The following PCDHGB5 variants were observed in gnomAD, a reference collection of about 807,000 sequenced individuals.
PCDHGB5 encodes protocadherin gamma subfamily B, 5.
PCDHGB5 carries 48 observed loss-of-function variants against 62.9 expected under a neutral mutation model. The observed-to-expected ratio is 0.76, with a 90% CI of 0.61 to 0.97. The LOEUF is 0.97. Ranked by LOEUF, PCDHGB5 falls within the 50% of genes least tolerant of loss-of-function variation. The pLI, the probability that PCDHGB5 is intolerant of heterozygous loss-of-function variation, is 0.00. For synonymous variants in PCDHGB5, 474 were observed against 511.2 expected (o/e 0.93, Z 0.98); for missense variants, 1,118 against 1,198.6 (o/e 0.93, Z 0.99).
intron 1 of PCDHGB5, chr5:141,421,009 T>G (rs948913987): frequency 1.9e-6 from 1 of 515,496 alleles, no homozygotes. Context: ...AATCAGGGAA[T>G]GGGAAGCTGC....
At chr5:141,505,536 C>T (rs749205049) in intron 3 of PCDHGB5, 55 bp downstream of exon 3, 9 of 1,610,164 alleles carry the variant, frequency 5.6e-6, no homozygotes, top group Non-Finnish European at 7.6e-6. Context: ...TTCTGGGGTG[C>T]ATCTCACAGC....
intron 1 of PCDHGB5, among the ~76,000 whole-genome samples, chr5:141,467,404 C>T (rs1032912609): frequency 1.3e-5 from 2 of 151,864 alleles, no homozygotes; most frequent in African/African-American, 4.8e-5. Context: ...AGTTAGAAAG[C>T]CTTTCCCCAC....
chr5:141,473,262 G>T (rs905961411), intron 1 of PCDHGB5, among the ~76,000 whole-genome samples: 2 of 152,188 alleles, frequency 1.3e-5, no homozygotes, highest in Admixed American at 6.5e-5. Flanking sequence ...AGTCCTTAGT[G>T]TATGCTATGA....
At chr5:141,413,550 A>C (rs2095653911) in intron 1 of PCDHGB5, 1 of 1,613,974 alleles carries the variant, frequency 6.2e-7, no homozygotes, top group Non-Finnish European at 8.5e-7. Context: ...GGATAGAAAT[A>C]GAAGTAACTG....
intron 1 of PCDHGB5, chr5:141,428,653 T>A (rs952656382): frequency 1.8e-5 from 3 of 167,524 alleles, no homozygotes; most frequent in Admixed American, 1.1e-4. Flanking sequence ...TCACGTGAGT[T>A]CCAATGAATG....
At position 141,476,124 on chromosome 5, in the gene PCDHGB5, C is replaced by T. The variant is rs1187643558; in HGVS notation, c.2398-18683C>T. 4 of 1,603,236 alleles carry T rather than the reference C, an allele frequency of 2.5e-6. No homozygotes were observed. Among genetic ancestry groups the T allele is most frequent in the Non-Finnish European group, 3.4e-6 (4 of 1,176,388 alleles). ...GAACTGCTTTTGAGTGAGATGGTCCCAGAGGCCTGGAGGAGCGGACTGGTA... is the reference window on the plus strand; with the variant it reads ...GAACTGCTTTTGAGTGAGATGGTCCTAGAGGCCTGGAGGAGCGGACTGGTA... On this transcript the variant is annotated intron_variant, in intron 1 of 3. Transcript: ENST00000617380. This position sits in a 1 kb window ranked among gnomAD's most constrained non-coding sequence, Gnocchi z 7.6.
intron 1 of PCDHGB5, chr5:141,408,888 A>G: frequency 1.2e-6 from 2 of 1,613,352 alleles, no homozygotes; most frequent in Non-Finnish European, 1.7e-6. Context: ...GCTCACATAG[A>G]AATTTCTGTC....
chr5:141,427,985 C>A (rs747784722), intron 1 of PCDHGB5: 23 of 1,597,524 alleles, frequency 1.4e-5, no homozygotes, highest in Non-Finnish European at 1.9e-5. Context: ...CGCTGGGGCC[C>A]GATGGCTCCG....
Position 141,476,208 on chromosome 5 carries a change from C to T in PCDHGB5, c.2398-18599C>T, listed in dbSNP as rs1266601125. The T allele has an allele frequency of 6.2e-7, 1 of 1,613,794 alleles. No homozygotes were observed. ...CTTGGTGCCTTGAACAAGGCTTCCA[C>T]GGTCATTCACTATGAGATCCCGGAG... On this transcript the variant is annotated intron_variant, in intron 1 of 3. Coordinates refer to ENST00000617380, the MANE Select transcript of PCDHGB5 (RefSeq NM_018925.3). The surrounding 1 kb of genome is among the most constrained non-coding windows in gnomAD (Gnocchi z 7.6).
At position 141,493,841 on chromosome 5, in the gene PCDHGB5, T is replaced by C. The variant is rs774682943; in HGVS notation, c.2398-966T>C. On this transcript the variant is annotated intron_variant, in intron 1 of 3. Transcript: ENST00000617380. The surrounding 1 kb of genome is among the most constrained non-coding windows in gnomAD (Gnocchi z 4.3). ...CTCTGCTTCTGGGAGCAAGTATGAGTATTAATTACCAGCCCACCCCAGAAC... is the reference window on the plus strand; with the variant it reads ...CTCTGCTTCTGGGAGCAAGTATGAGCATTAATTACCAGCCCACCCCAGAAC... Among the ~76,000 whole-genome samples the C allele has an allele frequency of 3.3e-5, 5 of 152,140 alleles. No homozygotes were observed. In the East Asian group the frequency reaches 9.7e-4, roughly 29 times the overall value.
In PCDHGB5 at chr5:141,485,472, C is replaced by T. The variant is rs1185020546; in HGVS notation, c.2398-9335C>T. On this transcript the variant is annotated intron_variant, in intron 1 of 3. Transcript: ENST00000617380. This position sits in a 1 kb window ranked among gnomAD's most constrained non-coding sequence, Gnocchi z 5.7. The stretch of plus-strand genomic sequence containing the variant: ...CGAGAGGCACTGTGTGGGCTCAGTG[C>T]CAGCTGCATCGTGCCCCTGGAGTTT... The T allele has an allele frequency of 3.1e-6, 5 of 1,614,138 alleles. No individual in the cohort carries two copies. In the South Asian group the frequency reaches 5.5e-5, roughly 18 times the overall value.
chr5:141,505,243 G>A (rs2099844728), intron 2 of PCDHGB5, 150 bp from the exon 3 acceptor site: 1 of 1,424,622 alleles, frequency 7.0e-7, no homozygotes, highest in Non-Finnish European at 9.4e-7. Flanking sequence ...CTGAAGGATT[G>A]TAGAAGTGCC....
chr5:141,410,222 G>A, intron 1 of PCDHGB5: 2 of 1,614,018 alleles, frequency 1.2e-6, no homozygotes, highest in South Asian at 2.2e-5. Flanking sequence ...GATACTGCCA[G>A]ACCTCAGCGA....
intron 1 of PCDHGB5, among the ~76,000 whole-genome samples, chr5:141,483,613 C>A (rs2099583607): frequency 6.6e-6 from 1 of 151,914 alleles, no homozygotes; most frequent in South Asian, 2.1e-4. Context: ...ACACCTCCAT[C>A]ATTCCCATGG....
chr5:141,477,749 C>A lies in PCDHGB5; in HGVS notation c.2398-17058C>A, dbSNP rs2099417192. The A allele has an allele frequency of 6.2e-7, 1 of 1,613,786 alleles. No homozygotes were observed. Among genetic ancestry groups the A allele is most frequent in the African/African-American group, 1.3e-5 (1 of 74,928 alleles). ...AGCTCATATCAGCGATGGGGGCACCCCGGTCCTAGCCACCAACATCAGCGT... is the reference window on the plus strand; with the variant it reads ...AGCTCATATCAGCGATGGGGGCACCACGGTCCTAGCCACCAACATCAGCGT... On this transcript the variant is annotated intron_variant, in intron 1 of 3. Coordinates refer to ENST00000617380, the MANE Select transcript of PCDHGB5 (RefSeq NM_018925.3). This position sits in a 1 kb window ranked among gnomAD's most constrained non-coding sequence, Gnocchi z 4.9.
chr5:141,480,112 C>T (rs531082602), intron 1 of PCDHGB5, among the ~76,000 whole-genome samples: 2 of 152,190 alleles, frequency 1.3e-5, no homozygotes, highest in Admixed American at 1.3e-4. Flanking sequence ...TAGCATGGTG[C>T]CTGGCATATC....
rs138641753 is a variant in PCDHGB5, at chr5:141,430,814, C to T, written c.2397+30290C>T. On this transcript the variant is annotated intron_variant, in intron 1 of 3. Transcript: ENST00000617380. ...CAAAGGGCTTGTCCTGCTGGGAATC[C>T]TCCTGGGGACTCTGTGGGAGACCGG... is the stretch of plus-strand genomic sequence containing the variant. 97 of 1,534,514 alleles carry T rather than the reference C, an allele frequency of 6.3e-5. No homozygotes were observed. The African/African-American group carries it at 1.1e-3, about 17-fold the overall frequency.
At position 141,511,106 on chromosome 5, in the gene PCDHGB5, G is replaced by T. The variant is rs536900646; in HGVS notation, c.2705G>T (p.Arg902Leu). ...NATLTNAAGK[R>L]DGKAPAGGNG... is the part of the protein sequence containing the mutation. Reference sequence around the variant, plus strand: ...ACACTGACCAACGCAGCTGGCAAGCGGGATGGCAAGGCCCCAGCAGGTGGC... The same window carrying T: ...ACACTGACCAACGCAGCTGGCAAGCTGGATGGCAAGGCCCCAGCAGGTGGC... Residue 902 changes from arginine to leucine, a missense_variant, in exon 4 of 4, where the codon CGG becomes CTG. This residue lies in a region of PCDHGB5 where 1,034 missense variants were observed against 1,029.1 expected (regional missense o/e 1.00). Transcript: ENST00000617380. 8.7e-6 allele frequency: 14 copies of T among 1,614,196 alleles called. No individual in the cohort carries two copies. Among genetic ancestry groups the T allele is most frequent in the Non-Finnish European group, 1.2e-5 (14 of 1,180,016 alleles).
chr5:141,448,135 TA>T (rs2098567569), intron 1 of PCDHGB5, among the ~76,000 whole-genome samples: 1 of 151,880 alleles, frequency 6.6e-6, no homozygotes, highest in South Asian at 2.1e-4. Flanking sequence ...CCACCCTCAC[TA>T]TACCTCAGAC....
Sources: allele counts gnomAD v4.1 joint callset (sites outside exome capture counted in the v4.1 genomes callset), GRCh38; gene constraint gnomAD v4.1.1; regional missense constraint gnomAD v4.1.1; non-coding constraint Gnocchi (gnomAD v3.1); transcripts MANE v1.5; gene names NCBI Gene and HGNC (gene_info 2026-07-23, HGNC 2026-07-21).